Variants in SLF1 observed in about 807,000 individuals in gnomAD.
The protein encoded by SLF1 is SMC5/6 complex localization factor 1.
SLF1 carries 105 observed loss-of-function variants against 123.0 expected under a neutral mutation model. That is an observed-to-expected ratio of 0.85 (90% CI 0.73 to 1.00). SLF1 has a LOEUF of 1.00. Ranked by LOEUF, SLF1 falls within the 50% of genes least tolerant of loss-of-function variation. The probability of loss-of-function intolerance (pLI) is 0.00; values close to 1 mark genes in which losing one functional copy is unlikely to be tolerated. For synonymous variants in SLF1, 434 were observed against 406.6 expected (o/e 1.07, Z -0.81); for missense variants, 1,239 against 1,223.0 (o/e 1.01, Z -0.20).
intron 16 of SLF1, among the ~76,000 whole-genome samples, chr5:94,687,669 G>A (rs988246674): frequency 6.6e-5 from 10 of 151,786 alleles, no homozygotes; most frequent in African/African-American, 2.4e-4. Context: ...TGTAGCCTAG[G>A]TGGCACACTA....
intron 15 of SLF1, among the ~76,000 whole-genome samples, chr5:94,681,885 A>G (rs1332345681): frequency 1.3e-5 from 2 of 152,218 alleles, no homozygotes; most frequent in Non-Finnish European, 2.9e-5. Flanking sequence ...ACATTTTATC[A>G]TAAACCAGTA....
At chr5:94,626,596 T>G (rs963233722) in intron 1 of SLF1, among the ~76,000 whole-genome samples, 1 of 152,212 alleles carries the variant, frequency 6.6e-6, no homozygotes, top group Non-Finnish European at 1.5e-5. Context: ...ATACCAGCTT[T>G]TTTATTGAGT....
In SLF1 at chr5:94,695,422, G is replaced by T; in HGVS notation, c.*110G>T. 7.8e-7 allele frequency: 1 copy of T among 1,283,906 alleles called. No homozygotes were observed. Among genetic ancestry groups the T allele is most frequent in the Non-Finnish European group, 1.0e-6 (1 of 980,824 alleles). The allele number at this position is 1,283,906 out of a possible 1,614,324, so 79.5% of individuals were successfully genotyped here. On this transcript the variant is annotated 3_prime_UTR_variant, in exon 21 of 21. Transcript: ENST00000265140. ...TAGTAATTTGATTTATTTATTGACA[G>T]ACTTTGCAGCCTTGCTAAATTTTAA...
chr5:94,674,640 T>G (rs899293954), intron 14 of SLF1, among the ~76,000 whole-genome samples: 8 of 152,238 alleles, frequency 5.3e-5, no homozygotes, highest in African/African-American at 1.9e-4. Flanking sequence ...GTATTCAATT[T>G]AAGTCATTAG....
At position 94,654,683 on chromosome 5, in the gene SLF1, G is replaced by C; in HGVS notation, c.1086G>C (p.Met362Ile). 6.5e-7 allele frequency: 1 copy of C among 1,544,660 alleles called. No individual in the cohort carries two copies. Among genetic ancestry groups the C allele is most frequent in the Non-Finnish European group, 8.7e-7 (1 of 1,143,036 alleles). The change falls in exon 9 of 21, where the codon ATG becomes ATC. Residue 362 changes from methionine (M) to isoleucine (I), a missense_variant. Met to Ile is a conservative substitution (Grantham distance 10, BLOSUM62 1). Transcript: ENST00000265140. The stretch of plus-strand genomic sequence containing the variant: ...AATATGCCAAAGAATCAAAAGCCAT[G>C]GCTATTAAGACAGATGTGGATGTTG... ...FAEYAKESKA[M>I]AIKTDVDVVE... is the part of the protein sequence containing the mutation.
intron 14 of SLF1, among the ~76,000 whole-genome samples, chr5:94,677,980 G>A (rs1321706973): frequency 1.3e-5 from 2 of 151,608 alleles, no homozygotes; most frequent in Non-Finnish European, 2.9e-5. Flanking sequence ...GAGTGCAGTG[G>A]CACAATCTCC....
intron 4 of SLF1, among the ~76,000 whole-genome samples, chr5:94,640,176 TA>T (rs1746285643): frequency 6.6e-6 from 1 of 152,232 alleles, no homozygotes; most frequent in Non-Finnish European, 1.5e-5. Context: ...ACAGTTCTTA[TA>T]ATGTAAGTGT....
chr5:94,681,383 C>T (rs146118726), intron 15 of SLF1, among the ~76,000 whole-genome samples: 2,280 of 152,310 alleles, frequency 0.015, 58 homozygotes, highest in African/African-American at 0.051. Flanking sequence ...CTGCCCACCT[C>T]GGCTTCCCAG....
intron 9 of SLF1, among the ~76,000 whole-genome samples, chr5:94,660,186 G>C (rs541387395): frequency 2.6e-5 from 4 of 152,284 alleles, no homozygotes; most frequent in Admixed American, 2.6e-4. Flanking sequence ...CCTGGTTGGT[G>C]AATGGGTGGG....
chr5:94,662,165 G>A (rs976091006), intron 9 of SLF1, 133 bp from the exon 10 acceptor site: 9 of 565,078 alleles, frequency 1.6e-5, no homozygotes, highest in Non-Finnish European at 2.6e-5. Flanking sequence ...GAGTAAATAT[G>A]AGTATCATAT....
rs535372528 is a variant in SLF1 at position 94,656,648 on chromosome 5, T to A, written c.1155+1896T>A. Among the ~76,000 whole-genome samples the A allele has an allele frequency of 1.0e-3, 153 of 152,062 alleles. 1 individual carries two copies. Among genetic ancestry groups the A allele is most frequent in the African/African-American group, 3.3e-3 (136 of 41,560 alleles). ...TTTTTATTTGTTGTGAGAGTTTTAT[T>A]ACTGATTAAATCTCATTGGTCTGTT... On this transcript the variant is annotated intron_variant, in intron 9 of 20. Coordinates refer to ENST00000265140, the MANE Select transcript of SLF1 (RefSeq NM_032290.4).
chr5:94,659,448 G>C (rs2152483280), intron 9 of SLF1, among the ~76,000 whole-genome samples: 1 of 152,168 alleles, frequency 6.6e-6, no homozygotes, highest in Non-Finnish European at 1.5e-5. Context: ...TGTGTATCTG[G>C]TGTAACAGTC....
intron 12 of SLF1, among the ~76,000 whole-genome samples, chr5:94,666,305 TG>T (rs1310279316): frequency 3.3e-5 from 5 of 152,240 alleles, no homozygotes; most frequent in Non-Finnish European, 7.3e-5. Flanking sequence ...ATTTGTGTAT[TG>T]TTTTTTAAAT....
At position 94,653,291 on chromosome 5, in the gene SLF1, A is replaced by T. The variant is rs1377362412; in HGVS notation, c.902A>T (p.Asp301Val). ...YENQKEIKKKDEDIQRSYTLR... is the reference protein window; with the variant it reads ...YENQKEIKKKVEDIQRSYTLR... Reference sequence around the variant, plus strand: ...ATGTAGAAGGAAATTAAGAAAAAAGATGAAGATATTCAGAGGAGTTATACT... The same window carrying T: ...ATGTAGAAGGAAATTAAGAAAAAAGTTGAAGATATTCAGAGGAGTTATACT... The change falls in exon 8 of 21, where the codon GAT becomes GTT. Residue 301 changes from aspartate (D) to valine (V), a missense_variant. Coordinates refer to ENST00000265140, the MANE Select transcript of SLF1 (RefSeq NM_032290.4). 1 of 1,527,484 alleles carries T rather than the reference A, an allele frequency of 6.5e-7. No homozygotes were observed. Among genetic ancestry groups the T allele is most frequent in the Non-Finnish European group, 8.8e-7 (1 of 1,139,072 alleles). 94.6% of individuals were successfully genotyped at this position (1,527,484 alleles called of 1,614,324 possible).
chr5:94,691,867 A>T (rs1387474872), intron 19 of SLF1, among the ~76,000 whole-genome samples: 2 of 152,238 alleles, frequency 1.3e-5, no homozygotes, highest in East Asian at 1.9e-4. Flanking sequence ...TATTTTGATA[A>T]TACCCAACAT....
At chr5:94,670,797 G>T (rs2152490159) in intron 13 of SLF1, 46 bp from the exon 14 acceptor site, 1 of 1,406,812 alleles carries the variant, frequency 7.1e-7, no homozygotes, top group South Asian at 1.4e-5. Context: ...TAATTGTCAT[G>T]ATCAAATTGG....
intron 9 of SLF1, among the ~76,000 whole-genome samples, chr5:94,657,565 A>C (rs1009791645): frequency 1.3e-5 from 2 of 152,072 alleles, no homozygotes; most frequent in African/African-American, 4.8e-5. Flanking sequence ...TTTGTTCTAA[A>C]GTGCAGTTTA....
intron 1 of SLF1, among the ~76,000 whole-genome samples, chr5:94,621,006 C>G (rs1208119587): frequency 6.6e-6 from 1 of 152,070 alleles, no homozygotes; most frequent in African/African-American, 2.4e-5. Context: ...AAAGAGCACT[C>G]TTTAGATTGT....
In SLF1 at chr5:94,697,427, T is replaced by A. The variant is rs1364835960; in HGVS notation, c.*2115T>A. On this transcript the variant is annotated 3_prime_UTR_variant, in exon 21 of 21. Coordinates refer to ENST00000265140, the MANE Select transcript of SLF1 (RefSeq NM_032290.4). The stretch of plus-strand genomic sequence containing the variant: ...AAATTCTCAATAAGTAAAGTATAAT[T>A]CATAGTCTTAGTCCTAGATTTTCAA... The A allele has an allele frequency of 6.6e-6, 1 of 151,938 alleles. No homozygotes were observed. Among genetic ancestry groups the A allele is most frequent in the African/African-American group, 2.4e-5 (1 of 41,398 alleles). The allele number at this position is 151,938 out of a possible 1,614,324, so 9.4% of individuals were successfully genotyped here.
Sources: allele counts gnomAD v4.1 joint callset (sites outside exome capture counted in the v4.1 genomes callset), GRCh38; gene constraint gnomAD v4.1.1; transcripts MANE v1.5; gene names NCBI Gene and HGNC (gene_info 2026-07-23, HGNC 2026-07-21).